VSX1: variants seen among roughly 807,000 people sequenced by gnomAD.
The protein encoded by VSX1 is homeodomain protein RINX.
In VSX1, 23 loss-of-function variants were observed where a neutral mutation model predicts 23.6. The ratio of observed to expected loss-of-function variants is 0.97; its 90% CI spans 0.70 to 1.38. The LOEUF (loss-of-function observed/expected upper bound fraction) is 1.38, where lower values mean the gene tolerates loss of function less well. VSX1 is among the 40% of genes most tolerant of loss of function. VSX1 has a pLI of 0.00. For missense variants in VSX1, 517 were observed against 495.4 expected (o/e 1.04, Z -0.41); for synonymous variants, 247 against 215.1 (o/e 1.15, Z -1.30).
chr20:25,079,155 A>G (rs1385474086), intron 2 of VSX1, among the ~76,000 whole-genome samples: 1 of 152,252 alleles, frequency 6.6e-6, no homozygotes, highest in East Asian at 1.9e-4. Context: ...CTCTTTCTTA[A>G]TGAATTCCAT....
At position 25,076,560 on chromosome 20, in the gene VSX1, A is replaced by AAT. The variant is rs759417922; in HGVS notation, c.809-11_809-10insAT. 12 of 1,586,538 alleles carry AAT rather than the reference A, an allele frequency of 7.6e-6. No individual in the cohort carries two copies. In the African/African-American group the frequency reaches 1.6e-4, roughly 22 times the overall value. ...GATTTTTTATGCATCCCTTGTAAAA[A>AAT]AAAAAATAAAAAGGAAAAAATAAAA... On this transcript the variant is annotated splice_polypyrimidine_tract_variant and intron_variant, in intron 4 of 4. Coordinates refer to ENST00000376709, the MANE Select transcript of VSX1 (RefSeq NM_014588.6).
chr20:25,080,860 CT>C (rs2089624354), intron 1 of VSX1, among the ~76,000 whole-genome samples: 1 of 152,234 alleles, frequency 6.6e-6, no homozygotes, highest in Non-Finnish European at 1.5e-5. Context: ...CCAGTCTACT[CT>C]TTTTGCCTTG....
Position 25,081,671 on chromosome 20 carries a change from A to G in VSX1, c.424+2T>C. On this transcript the variant is annotated splice_donor_variant, in intron 1 of 4. Coordinates refer to ENST00000376709, the MANE Select transcript of VSX1 (RefSeq NM_014588.6). LOFTEE classifies it high-confidence loss of function. Reference sequence around the variant, plus strand: ...AGGAGCGGAAAGCGCGGGCCTGATTACCGGACGTGGAGACGCTGTCGCTGC... The same window carrying G: ...AGGAGCGGAAAGCGCGGGCCTGATTGCCGGACGTGGAGACGCTGTCGCTGC... The G allele has an allele frequency of 6.6e-7, 1 of 1,520,502 alleles. No individual in the cohort carries two copies. Among genetic ancestry groups the G allele is most frequent in the East Asian group, 2.5e-5 (1 of 39,566 alleles). The allele number at this position is 1,520,502 out of a possible 1,614,324, so 94.2% of individuals were successfully genotyped here. A position where few individuals can be genotyped will look rare whatever the true frequency, so the allele number is the denominator to read the frequency against.
In VSX1 at chr20:25,076,202, G is replaced by T; in HGVS notation, c.*59C>A. The T allele has an allele frequency of 6.2e-7, 1 of 1,609,220 alleles. No homozygotes were observed. Among genetic ancestry groups the T allele is most frequent in the African/African-American group, 1.3e-5 (1 of 74,882 alleles). ...ATGTCTTGGACAATTTTTGTCTTTT[G>T]GAAAATGCCAGTGAGGAATATGCAC... is the stretch of plus-strand genomic sequence containing the variant. On this transcript the variant is annotated 3_prime_UTR_variant, in exon 5 of 5. Transcript: ENST00000376709.
At position 25,079,486 on chromosome 20, in the gene VSX1, A is replaced by G. The variant is rs777668246; in HGVS notation, c.453T>C (p.Asn151=). ...SDEDSQSEDR[N]DLKASPTLGK... is the part of the protein sequence containing the mutation. ...CCAAGGTGGGGGATGCCTTTAGGTC[A>G]TTCCTGTCTTCAGACTGGCTGTCCT... is the stretch of plus-strand genomic sequence containing the variant. Residue 151 remains asparagine (N), a synonymous_variant, in exon 2 of 5, where the codon AAT becomes AAC. Coordinates refer to ENST00000376709, the MANE Select transcript of VSX1 (RefSeq NM_014588.6). 1.2e-6 allele frequency: 2 copies of G among 1,613,022 alleles called. No homozygotes were observed. The highest frequency in any genetic ancestry group is 1.1e-5 in the South Asian group (1 of 90,644).
chr20:25,081,550 TG>T, intron 1 of VSX1, 122 bp downstream of exon 1: 1 of 1,455,378 alleles, frequency 6.9e-7, no homozygotes, highest in Non-Finnish European at 9.5e-7. Flanking sequence ...GGCCTCGCTC[TG>T]GGCTCCCCGC....
intron 3 of VSX1, 181 bp from the exon 4 acceptor site, chr20:25,078,046 C>A (rs1236887988): frequency 1.3e-6 from 1 of 781,562 alleles, no homozygotes; most frequent in Non-Finnish European, 2.0e-6. Flanking sequence ...GCCCAGGAGC[C>A]CCCAGCAGCG....
At chr20:25,074,420 T>C (rs1438020842), downstream of VSX1, among the ~76,000 whole-genome samples, 2 of 152,234 alleles carry the variant, frequency 1.3e-5, no homozygotes, top group African/African-American at 2.4e-5. Flanking sequence ...CATCCTTCCA[T>C]TTTTACTTCA....
intron 3 of VSX1, 192 bp from the exon 4 acceptor site, chr20:25,078,057 C>T: frequency 1.4e-6 from 1 of 710,270 alleles, no homozygotes; most frequent in South Asian, 1.8e-5. Context: ...CCCAGCAGCG[C>T]CCACGTGCGG....
intron 3 of VSX1, chr20:25,078,141 A>G: frequency 1.8e-6 from 1 of 542,164 alleles, no homozygotes; most frequent in South Asian, 2.2e-5. Context: ...AGAGTCAGGA[A>G]TGAAAAAAAC....
At chr20:25,081,547 C>G in intron 1 of VSX1, 126 bp downstream of exon 1, 1 of 1,434,724 alleles carries the variant, frequency 7.0e-7, no homozygotes, top group Non-Finnish European at 9.7e-7. Context: ...CGGGGCCTCG[C>G]TCTGGGCTCC....
At chr20:25,070,949 A>C (rs2089364887), downstream of VSX1, 1 of 450,582 alleles carries the variant, frequency 2.2e-6, no homozygotes, top group Admixed American at 2.4e-5. Flanking sequence ...AGTACTTCTT[A>C]GTAGGTGATC....
chr20:25,077,669 G>C lies in VSX1; in HGVS notation c.808+16C>G. ...ACAACACCTCGAGCCGTGCGATCCC[G>C]GGGGCCCTTCCTTACCCAGGAGCCA... On this transcript the variant is annotated intron_variant, in intron 4 of 4. Transcript: ENST00000376709. The C allele has an allele frequency of 6.5e-7, 1 of 1,544,052 alleles. No homozygotes were observed. Among genetic ancestry groups the C allele is most frequent in the Non-Finnish European group, 8.7e-7 (1 of 1,146,654 alleles).
chr20:25,081,803 T>A lies in VSX1; in HGVS notation c.294A>T (p.Ala98=), dbSNP rs1299025823. The change falls in exon 1 of 5, where the codon GCA becomes GCT. Residue 98 remains alanine (A), a synonymous_variant. Transcript: ENST00000376709. Reference sequence around the variant, plus strand: ...GCACGTCCGCTAGGAGCAGGCAGGGTGCTCGAGCGGCCGCCGGCGGCTGCG... The same window carrying A: ...GCACGTCCGCTAGGAGCAGGCAGGGAGCTCGAGCGGCCGCCGGCGGCTGCG... ...FGTQPPAAAR[A]PCLLLADVPF... is the part of the protein sequence containing the mutation. 4 of 1,503,054 alleles carry A rather than the reference T, an allele frequency of 2.7e-6. No homozygotes were observed. The highest frequency in any genetic ancestry group is 3.5e-6 in the Non-Finnish European group (4 of 1,134,870). 93.1% of individuals were successfully genotyped at this position (1,503,054 alleles called of 1,614,324 possible). A position where few individuals can be genotyped will look rare whatever the true frequency, so the allele number is the denominator to read the frequency against.
In VSX1 at chr20:25,075,894, G is replaced by A. The variant is rs1037576330; in HGVS notation, c.*367C>T. 9 of 240,692 alleles carry A rather than the reference G, an allele frequency of 3.7e-5. No homozygotes were observed. Among genetic ancestry groups the A allele is most frequent in the African/African-American group, 1.8e-4 (8 of 43,854 alleles). The allele number at this position is 240,692 out of a possible 1,614,324, so 14.9% of individuals were successfully genotyped here. ...AATTTTATATTTCCTAATTGAGAAT[G>A]AGGACATCAGACCTAACCTATTCAT... is the stretch of plus-strand genomic sequence containing the variant. On this transcript the variant is annotated 3_prime_UTR_variant, in exon 5 of 5. Transcript: ENST00000376709.
rs557343739 is a variant in VSX1 at position 25,082,086 on chromosome 20, C to T, written c.11G>A (p.Arg4Gln). MTG[R>Q]DSLSDGRTSS... ...AGTGCGCCCGTCGGAAAGCGAGTCC[C>T]GGCCGGTCATGGTTCCTTAGCAAGC... The change falls in exon 1 of 5, where the codon CGG (arginine) becomes CAG (glutamine). Residue 4 changes from arginine (R) to glutamine (Q), a missense_variant. Transcript: ENST00000376709. The T allele has an allele frequency of 1.3e-6, 2 of 1,537,890 alleles. No homozygotes were observed. Among genetic ancestry groups the T allele is most frequent in the African/African-American group, 1.4e-5 (1 of 73,514 alleles).
chr20:25,076,673 T>TG, intron 4 of VSX1, 123 bp from the exon 5 acceptor site: 2 of 1,191,102 alleles, frequency 1.7e-6, no homozygotes, highest in Non-Finnish European at 2.3e-6. Flanking sequence ...TGCCTATCTC[T>TG]GGGGCCTACA....
downstream of VSX1, among the ~76,000 whole-genome samples, chr20:25,073,932 G>A (rs141583393): frequency 2.6e-5 from 4 of 152,276 alleles, no homozygotes; most frequent in African/African-American, 4.8e-5. Context: ...ATGACACACC[G>A]AGCCCTGCTC....
chr20:25,073,675 T>C (rs1274443664), downstream of VSX1, among the ~76,000 whole-genome samples: 1 of 152,230 alleles, frequency 6.6e-6, no homozygotes, highest in Non-Finnish European at 1.5e-5. Context: ...AGAGACGGTC[T>C]GCTAGCAGGT....
Sources: gnomAD v4.1 joint callset for allele counts (sites outside exome capture counted in the v4.1 genomes callset) on GRCh38, gnomAD v4.1.1 for gene constraint, MANE v1.5 for transcripts, NCBI Gene and HGNC (gene_info 2026-07-23, HGNC 2026-07-21) for gene names.